Variants in GPM6A observed in about 807,000 individuals in gnomAD.
GPM6A encodes neuronal membrane glycoprotein M6-a.
Under a neutral mutation model 32.1 loss-of-function variants are expected in GPM6A, and 7 were observed. That is an observed-to-expected ratio of 0.22 (90% CI 0.12 to 0.41). The LOEUF (loss-of-function observed/expected upper bound fraction) is 0.41, where lower values mean the gene tolerates loss of function less well. GPM6A is among the 10% of genes least tolerant of loss of function. The probability of loss-of-function intolerance (pLI) is 1.00; values close to 1 mark genes in which losing one functional copy is unlikely to be tolerated. For missense variants in GPM6A, 235 were observed against 347.2 expected (o/e 0.68, Z 2.57); for synonymous variants, 130 against 123.4 (o/e 1.05, Z -0.35).
At chr4:175,878,400 C>A (rs1737156041) in intron 1 of GPM6A, among the ~76,000 whole-genome samples, 1 of 152,124 alleles carries the variant, frequency 6.6e-6, no homozygotes. Flanking sequence ...GCTTAGATAC[C>A]CAGACATTTC....
chr4:175,803,040 A>G lies in GPM6A; in HGVS notation c.37+9151T>C, dbSNP rs180883117. On this transcript the variant is annotated intron_variant, in intron 1 of 6. Transcript: ENST00000393658. ...TAGCTGCTCTGTTAGATCTGTCTCT[A>G]TTTAGGGGAAAAATTGTGTTTTATT... Among the ~76,000 whole-genome samples the G allele has an allele frequency of 8.0e-3, 1,214 of 152,062 alleles. 16 individuals carry two copies. Among genetic ancestry groups the G allele is most frequent in the African/African-American group, 0.028 (1,172 of 41,500 alleles).
At chr4:175,849,309 C>A (rs1736181236) in intron 1 of GPM6A, among the ~76,000 whole-genome samples, 1 of 152,160 alleles carries the variant, frequency 6.6e-6, no homozygotes, top group Admixed American at 6.6e-5. Flanking sequence ...CAACAGAGTA[C>A]ATGTGTGTCA....
At chr4:175,718,637 T>G (rs1745964479) in intron 1 of GPM6A, among the ~76,000 whole-genome samples, 1 of 151,416 alleles carries the variant, frequency 6.6e-6, no homozygotes. Flanking sequence ...AATGAAATAT[T>G]TACATTACTA....
At chr4:175,830,376 G>T (rs1305496547) in intron 1 of GPM6A, among the ~76,000 whole-genome samples, 1 of 152,112 alleles carries the variant, frequency 6.6e-6, no homozygotes, top group African/African-American at 2.4e-5. Flanking sequence ...AACTTTATAT[G>T]TTATAACTAT....
chr4:175,981,942 A>T (rs78094316), intron 1 of GPM6A, among the ~76,000 whole-genome samples: 4,723 of 151,752 alleles, frequency 0.031, 158 homozygotes, highest in African/African-American at 0.085. Context: ...TTCCTTTTTT[A>T]AAAAAAACTA....
rs372112451 is a variant in GPM6A at position 175,640,215 on chromosome 4, A to T, written c.619-21T>A. 8 of 1,598,744 alleles carry T rather than the reference A, an allele frequency of 5.0e-6. No individual in the cohort carries two copies. In the African/African-American group the frequency reaches 6.7e-5, roughly 13 times the overall value. On this transcript the variant is annotated intron_variant, in intron 5 of 6. Coordinates refer to ENST00000393658, the MANE Select transcript of GPM6A (RefSeq NM_201591.3). Reference sequence around the variant, plus strand: ...TTCAGCTGCAATGGAAACCACAGAGAATCAAAAGGTGTCAGAGTTATAGGT... The same window carrying T: ...TTCAGCTGCAATGGAAACCACAGAGTATCAAAAGGTGTCAGAGTTATAGGT...
At chr4:175,840,920 CTTT>C (rs1036598639) in intron 1 of GPM6A, among the ~76,000 whole-genome samples, 1 of 152,156 alleles carries the variant, frequency 6.6e-6, no homozygotes, top group African/African-American at 2.4e-5. Context: ...GCTCAAATTA[CTTT>C]TTTAAGTCCT....
At chr4:175,850,458 A>T (rs1736217889) in intron 1 of GPM6A, among the ~76,000 whole-genome samples, 1 of 152,032 alleles carries the variant, frequency 6.6e-6, no homozygotes, top group Non-Finnish European at 1.5e-5. Flanking sequence ...GTCAGGAAAA[A>T]CAAAAATAAG....
intron 1 of GPM6A, among the ~76,000 whole-genome samples, chr4:175,799,671 C>CTTTTTTTTTTTTTTTTTT (rs374571140): frequency 3.3e-5 from 4 of 122,098 alleles, no homozygotes; most frequent in Non-Finnish European, 5.2e-5. Context: ...CAAGTGTTTT[C>CTTTTTTTTTTTTTTTTTT]TTTTTTTTTT....
intron 1 of GPM6A, among the ~76,000 whole-genome samples, chr4:175,734,566 T>A (rs1290665041): frequency 3.4e-5 from 5 of 148,516 alleles, no homozygotes; most frequent in Non-Finnish European, 7.5e-5. Context: ...CCTTTACTTT[T>A]TAAAAAAAAA....
At chr4:175,823,494 G>T (rs184238247) in intron 1 of GPM6A, among the ~76,000 whole-genome samples, 1 of 152,188 alleles carries the variant, frequency 6.6e-6, no homozygotes, top group Non-Finnish European at 1.5e-5. Context: ...GGGGAGGGGT[G>T]TAAATACAAC....
At chr4:175,877,585 G>A (rs1164073445) in intron 1 of GPM6A, among the ~76,000 whole-genome samples, 1 of 152,140 alleles carries the variant, frequency 6.6e-6, no homozygotes, top group Non-Finnish European at 1.5e-5. Context: ...ATCAAATGTT[G>A]TGAGAACTCA....
At chr4:175,881,103 G>A (rs1435621481) in intron 1 of GPM6A, among the ~76,000 whole-genome samples, 1 of 152,114 alleles carries the variant, frequency 6.6e-6, no homozygotes, top group Non-Finnish European at 1.5e-5. Flanking sequence ...ATCTGACAAA[G>A]AGCTAATATC....
At chr4:175,853,678 G>A (rs934067369) in intron 1 of GPM6A, among the ~76,000 whole-genome samples, 1 of 151,832 alleles carries the variant, frequency 6.6e-6, no homozygotes, top group Non-Finnish European at 1.5e-5. Context: ...AAAAAGGAAA[G>A]GAAAATACCC....
chr4:175,920,174 T>C (rs1738620366), intron 1 of GPM6A, among the ~76,000 whole-genome samples: 1 of 152,228 alleles, frequency 6.6e-6, no homozygotes, highest in Non-Finnish European at 1.5e-5. Flanking sequence ...GAAGGCAACA[T>C]ACAATAGAAT....
chr4:175,964,013 T>C (rs1740253360), intron 1 of GPM6A, among the ~76,000 whole-genome samples: 1 of 151,476 alleles, frequency 6.6e-6, no homozygotes, highest in Non-Finnish European at 1.5e-5. Flanking sequence ...TTTAAAAATA[T>C]AATTGATATG....
At chr4:175,797,039 TA>T (rs1455230029) in intron 1 of GPM6A, among the ~76,000 whole-genome samples, 1 of 152,032 alleles carries the variant, frequency 6.6e-6, no homozygotes, top group Non-Finnish European at 1.5e-5. Context: ...TTCTCTTCTC[TA>T]AAAAAATACT....
intron 1 of GPM6A, among the ~76,000 whole-genome samples, chr4:175,844,383 C>T (rs1240932496): frequency 1.3e-5 from 2 of 152,142 alleles, no homozygotes; most frequent in Non-Finnish European, 2.9e-5. Context: ...TATCTCAAAC[C>T]TGCTTTACTC....
At chr4:175,747,806 TTAAC>T (rs141078097) in intron 1 of GPM6A, among the ~76,000 whole-genome samples, 32,741 of 151,922 alleles carry the variant, frequency 0.22, 3,767 homozygotes, top group East Asian at 0.25. Flanking sequence ...GCCACATTGA[TTAAC>T]TATTCCTTTC....
Sources: allele counts gnomAD v4.1 joint callset (sites outside exome capture counted in the v4.1 genomes callset), GRCh38; gene constraint gnomAD v4.1.1; transcripts MANE v1.5; gene names NCBI Gene and HGNC (gene_info 2026-07-23, HGNC 2026-07-21).